The following ERBB4 variants were observed in gnomAD, a reference collection of about 807,000 sequenced individuals.
The protein encoded by ERBB4 is erb-b2 receptor tyrosine kinase 4.
Under a neutral mutation model 158.0 loss-of-function variants are expected in ERBB4, and 42 were observed. The observed-to-expected ratio is 0.27, with a 90% CI of 0.21 to 0.34. The LOEUF (loss-of-function observed/expected upper bound fraction) is 0.34, where lower values mean the gene tolerates loss of function less well. Among genes scored for constraint, ERBB4 ranks in the 10% least tolerant of loss-of-function variants. The pLI is 1.00. For synonymous variants in ERBB4, 583 were observed against 558.7 expected (o/e 1.04, Z -0.61); for missense variants, 1,333 against 1,624.1 (o/e 0.82, Z 3.08).
At chr2:212,115,658 T>C (rs1475128978) in intron 2 of ERBB4, among the ~76,000 whole-genome samples, 1 of 152,140 alleles carries the variant, frequency 6.6e-6, no homozygotes, top group Admixed American at 6.5e-5. Context: ...TTGACTTCTC[T>C]AGTTATTTGT....
chr2:211,963,450 A>ATACTAGTATGTATAGCAGTGCCTGCTAGT (rs1202128139), intron 2 of ERBB4, among the ~76,000 whole-genome samples: 1 of 152,184 alleles, frequency 6.6e-6, no homozygotes, highest in African/African-American at 2.4e-5. Context: ...GTATACCATC[A>ATACTAGTATGTATAGCAGTGCCTGCTAGT]ATACAATCCA....
chr2:211,735,916 G>A (rs908369707), intron 5 of ERBB4, among the ~76,000 whole-genome samples: 9 of 152,022 alleles, frequency 5.9e-5, no homozygotes, highest in Non-Finnish European at 1.2e-4. Flanking sequence ...ACTTTGGGAG[G>A]CTGAGGCAGG....
chr2:212,513,702 T>G (rs928129824), intron 1 of ERBB4, among the ~76,000 whole-genome samples: 1 of 151,880 alleles, frequency 6.6e-6, no homozygotes, highest in Non-Finnish European at 1.5e-5. Context: ...TCCCAGCTAC[T>G]CCGGGAGGCT....
At chr2:212,120,955 A>G (rs1168815050) in intron 2 of ERBB4, among the ~76,000 whole-genome samples, 2 of 152,212 alleles carry the variant, frequency 1.3e-5, no homozygotes, top group East Asian at 3.8e-4. Flanking sequence ...TAATGTGTTA[A>G]TACTGGACAG....
chr2:211,946,640 G>C (rs1211520345), intron 3 of ERBB4, among the ~76,000 whole-genome samples: 1 of 123,914 alleles, frequency 8.1e-6, no homozygotes, highest in Admixed American at 1.0e-4. Flanking sequence ...CCAGGGTAGA[G>C]AGCAATGGTG....
intron 2 of ERBB4, among the ~76,000 whole-genome samples, chr2:212,078,764 T>C (rs1298688813): frequency 1.3e-5 from 2 of 151,530 alleles, no homozygotes; most frequent in African/African-American, 4.8e-5. Flanking sequence ...ACACAACTAT[T>C]AATATTAATA....
chr2:212,247,833 G>A (rs1244499166), intron 1 of ERBB4, among the ~76,000 whole-genome samples: 5 of 151,990 alleles, frequency 3.3e-5, no homozygotes, highest in African/African-American at 1.2e-4. Flanking sequence ...GCATGTTGGC[G>A]GGAGCCTGTA....
At chr2:212,467,852 T>A (rs781492969) in intron 1 of ERBB4, among the ~76,000 whole-genome samples, 1 of 152,112 alleles carries the variant, frequency 6.6e-6, no homozygotes, top group African/African-American at 2.4e-5. Flanking sequence ...CACCCGCCCA[T>A]GAAAGCAGCT....
intron 1 of ERBB4, among the ~76,000 whole-genome samples, chr2:212,382,324 C>T (rs1225027202): frequency 1.3e-5 from 2 of 150,294 alleles, no homozygotes; most frequent in African/African-American, 4.9e-5. Flanking sequence ...CATGTATATA[C>T]ACTATATAAA....
At chr2:212,172,833 C>T (rs974127856) in intron 1 of ERBB4, among the ~76,000 whole-genome samples, 27 of 151,926 alleles carry the variant, frequency 1.8e-4, no homozygotes, top group Admixed American at 1.5e-3. Context: ...CTAATGGAAG[C>T]TGGGCTTAAT....
chr2:211,516,725 T>C (rs1191837648), intron 20 of ERBB4, among the ~76,000 whole-genome samples: 1 of 152,160 alleles, frequency 6.6e-6, no homozygotes, highest in Non-Finnish European at 1.5e-5. Flanking sequence ...TTTCTCACGC[T>C]GCAGTCAGAG....
intron 1 of ERBB4, among the ~76,000 whole-genome samples, chr2:212,208,812 T>C (rs977458543): frequency 6.6e-6 from 1 of 152,202 alleles, no homozygotes; most frequent in Non-Finnish European, 1.5e-5. Context: ...AGAACGTATC[T>C]AACCCCTTAT....
intron 1 of ERBB4, among the ~76,000 whole-genome samples, chr2:212,215,788 C>G (rs531070383): frequency 6.6e-6 from 1 of 151,504 alleles, no homozygotes; most frequent in South Asian, 2.1e-4. Flanking sequence ...TTTAAAATCT[C>G]TATACTGAAT....
chr2:211,990,287 G>T (rs924003201), intron 2 of ERBB4, among the ~76,000 whole-genome samples: 1 of 151,788 alleles, frequency 6.6e-6, no homozygotes, highest in Non-Finnish European at 1.5e-5. Flanking sequence ...ATATCTGGGG[G>T]GATTAAGATA....
intron 16 of ERBB4, among the ~76,000 whole-genome samples, chr2:211,645,766 A>G (rs1041830770): frequency 6.6e-6 from 1 of 151,722 alleles, no homozygotes; most frequent in Non-Finnish European, 1.5e-5. Context: ...ATGACACTAT[A>G]ATTCAAATGT....
At chr2:212,204,712 A>C (rs1211357662) in intron 1 of ERBB4, among the ~76,000 whole-genome samples, 1 of 151,688 alleles carries the variant, frequency 6.6e-6, no homozygotes, top group Non-Finnish European at 1.5e-5. Context: ...AAAAAAACAA[A>C]AAAAAAAACA....
chr2:212,222,344 A>C (rs997707120), intron 1 of ERBB4, among the ~76,000 whole-genome samples: 4 of 151,588 alleles, frequency 2.6e-5, no homozygotes, highest in Non-Finnish European at 5.9e-5. Flanking sequence ...TCTCATTCAC[A>C]TTTAAAAAAT....
At chr2:212,285,009 T>A (rs1351059688) in intron 1 of ERBB4, among the ~76,000 whole-genome samples, 1 of 152,070 alleles carries the variant, frequency 6.6e-6, no homozygotes, top group Non-Finnish European at 1.5e-5. Flanking sequence ...GTTTCTCTTA[T>A]AACCTTAATG....
intron 20 of ERBB4, among the ~76,000 whole-genome samples, chr2:211,496,239 A>G (rs2065465544): frequency 6.6e-6 from 1 of 151,908 alleles, no homozygotes; most frequent in African/African-American, 2.4e-5. Flanking sequence ...TACTGTTTCT[A>G]GGTTTTAAGT....
Sources: gnomAD v4.1 joint callset for allele counts (sites outside exome capture counted in the v4.1 genomes callset) on GRCh38, gnomAD v4.1.1 for gene constraint, MANE v1.5 for transcripts, NCBI Gene and HGNC (gene_info 2026-07-23, HGNC 2026-07-21) for gene names.